The following CDH4 variants were observed in gnomAD, a reference collection of about 807,000 sequenced individuals.
CDH4 encodes cadherin 4.
CDH4 carries 33 observed loss-of-function variants against 86.0 expected under a neutral mutation model. That is an observed-to-expected ratio of 0.38 (90% CI 0.29 to 0.51). The LOEUF (loss-of-function observed/expected upper bound fraction) is 0.51, where lower values mean the gene tolerates loss of function less well. Ranked by LOEUF, CDH4 falls within the 20% of genes least tolerant of loss-of-function variation. CDH4 has a pLI of 0.86. For synonymous variants in CDH4, 555 were observed against 549.4 expected, an observed-to-expected ratio of 1.01 and a Z score of -0.14; for missense variants, 1,114 against 1,307.4, an observed-to-expected ratio of 0.85 and a Z score of 2.28.
intron 2 of CDH4, among the ~76,000 whole-genome samples, chr20:61,711,496 C>T (rs1318288108): frequency 6.6e-6 from 1 of 152,234 alleles, no homozygotes; most frequent in Admixed American, 6.5e-5. Flanking sequence ...TGTTCCGACT[C>T]TGCCTTCTAC....
chr20:61,936,899 T>A lies in CDH4; in HGVS notation c.2707T>A (p.Phe903Ile), dbSNP rs1437946303. Residue 903 changes from phenylalanine to isoleucine, a missense_variant, in exon 16 of 16, where the codon TTC becomes ATC. This residue lies in a region of CDH4 where 188 missense variants were observed against 183.8 expected (regional missense o/e 1.02). Coordinates refer to ENST00000614565, the MANE Select transcript of CDH4 (RefSeq NM_001794.5). Reference protein sequence around the residue: ...YDYLNDWGPRFKKLADMYGGG... With the variant: ...YDYLNDWGPRIKKLADMYGGG... Reference sequence around the variant, plus strand: ...TTACCTCAACGACTGGGGGCCCAGATTCAAGAAGCTGGCGGACATGTATGG... The same window carrying A: ...TTACCTCAACGACTGGGGGCCCAGAATCAAGAAGCTGGCGGACATGTATGG... The A allele has an allele frequency of 6.2e-7, 1 of 1,600,230 alleles. No homozygotes were observed. The highest frequency in any genetic ancestry group is 8.5e-7 in the Non-Finnish European group (1 of 1,173,438).
intron 2 of CDH4, among the ~76,000 whole-genome samples, chr20:61,697,750 C>G (rs2087730713): frequency 6.6e-6 from 1 of 152,224 alleles, no homozygotes; most frequent in Non-Finnish European, 1.5e-5. Flanking sequence ...GGGACGTCTC[C>G]CCAGAGGGGT....
In CDH4 at chr20:61,595,153, T is replaced by C. The variant is rs112409967; in HGVS notation, c.170-148410T>C. 3.9e-3 allele frequency among the ~76,000 whole-genome samples: 588 copies of C among 152,352 alleles called. 8 individuals carry two copies. The highest frequency in any genetic ancestry group is 0.014 in the African/African-American group (562 of 41,578). On this transcript the variant is annotated intron_variant, in intron 2 of 15. Coordinates refer to ENST00000614565, the MANE Select transcript of CDH4 (RefSeq NM_001794.5). ...AGGACCTCCCACCCTTGGGTCCACC[T>C]GAGCACAAAACTGTAGGCCCTTAGG...
chr20:61,617,859 G>A (rs1476005491), intron 2 of CDH4, among the ~76,000 whole-genome samples: 1 of 152,190 alleles, frequency 6.6e-6, no homozygotes, highest in African/African-American at 2.4e-5. Flanking sequence ...ATTCCCACAT[G>A]TTGAGGAGGG....
chr20:61,518,105 AATC>A lies in CDH4; in HGVS notation c.170-225455_170-225453del, dbSNP rs1202613993. On this transcript the variant is annotated intron_variant, in intron 2 of 15. Coordinates refer to ENST00000614565, the MANE Select transcript of CDH4 (RefSeq NM_001794.5). The surrounding 1 kb of genome is among the most constrained non-coding windows in gnomAD (Gnocchi z 6.3). ...TCAGTTTTCTAAAGAATTTGCAAGA[AATC>A]ATGACGCTACTGCAAGGGTTTAGTG... is the stretch of plus-strand genomic sequence containing the variant. 1.3e-5 allele frequency among the ~76,000 whole-genome samples: 2 copies of A among 152,196 alleles called. No individual in the cohort carries two copies. Among genetic ancestry groups the A allele is most frequent in the Non-Finnish European group, 2.9e-5 (2 of 68,034 alleles).
intron 9 of CDH4, among the ~76,000 whole-genome samples, 174 bp downstream of exon 9, chr20:61,910,781 G>A (rs998796732): frequency 6.6e-6 from 1 of 152,172 alleles, no homozygotes; most frequent in South Asian, 2.1e-4. Flanking sequence ...ACAAGGACCT[G>A]TCATGTGACC....
At chr20:61,380,171 A>G (rs929363893) in intron 2 of CDH4, among the ~76,000 whole-genome samples, 17 of 152,214 alleles carry the variant, frequency 1.1e-4, no homozygotes, top group Non-Finnish European at 4.4e-5. Context: ...CGATGCTTCA[A>G]ATCTCATTAA....
At position 61,285,951 on chromosome 20, in the gene CDH4, G is replaced by A. The variant is rs550022087; in HGVS notation, c.169+31014G>A. Among the ~76,000 whole-genome samples, 43 of 152,290 alleles carry A rather than the reference G, an allele frequency of 2.8e-4. 1 individual carries two copies. The Middle Eastern group carries it at 0.01, about 36-fold the overall frequency. ...GGCGGCTCAGAGGCATCCCAGATCCGGACACCTGATCCCTCTCTGTGAGTG... is the reference window on the plus strand; with the variant it reads ...GGCGGCTCAGAGGCATCCCAGATCCAGACACCTGATCCCTCTCTGTGAGTG... On this transcript the variant is annotated intron_variant, in intron 2 of 15. Transcript: ENST00000614565.
intron 2 of CDH4, among the ~76,000 whole-genome samples, chr20:61,592,360 G>A (rs2086524566): frequency 1.3e-5 from 2 of 152,090 alleles, no homozygotes; most frequent in Non-Finnish European, 1.5e-5. Flanking sequence ...CACTGCTCAG[G>A]GCCCTGCAGT....
chr20:61,282,951 TGATGTACGTGCGTTTGCACGCGC>T (rs2084269717), intron 2 of CDH4, among the ~76,000 whole-genome samples: 1 of 89,140 alleles, frequency 1.1e-5, no homozygotes, highest in Non-Finnish European at 2.2e-5. Context: ...CTGTGGCGTG[TGATGTACGTGCGTTTGCACGCGC>T]GTGCTGTGGC....
In CDH4 at chr20:61,510,757, T is replaced by A. The variant is rs557066880; in HGVS notation, c.170-232806T>A. Among the ~76,000 whole-genome samples, 143 of 152,280 alleles carry A rather than the reference T, an allele frequency of 9.4e-4. 1 individual carries two copies. Among genetic ancestry groups the A allele is most frequent in the Admixed American group, 1.6e-3 (24 of 15,296 alleles). ...GTATTAGGCTGTTCTTGCATTGCTA[T>A]AAAGAAATACCTGAGACTGGGTAAT... On this transcript the variant is annotated intron_variant, in intron 2 of 15. Coordinates refer to ENST00000614565, the MANE Select transcript of CDH4 (RefSeq NM_001794.5). This position sits in a 1 kb window ranked among gnomAD's most constrained non-coding sequence, Gnocchi z 4.2.
At chr20:61,456,903 A>G (rs1049572545) in intron 2 of CDH4, among the ~76,000 whole-genome samples, 7 of 152,220 alleles carry the variant, frequency 4.6e-5, no homozygotes, top group Non-Finnish European at 8.8e-5. Flanking sequence ...GTAAGTTAAC[A>G]TGCTGGGAAT....
Position 61,873,793 on chromosome 20 carries a change from C to T in CDH4, c.943C>T (p.Arg315Trp), listed in dbSNP as rs751765138. ...CAGCACCACGGCCAACGGGATGGTG[C>T]GGTACCGGATCGTGACCCAGACCCC... ...DDSTTANGMV[R>W]YRIVTQTPQS... is the part of the protein sequence containing the mutation. The change falls in exon 7 of 16, where the codon CGG becomes TGG. Residue 315 changes from arginine to tryptophan, a missense_variant. By Grantham distance (101) the Arg-to-Trp change is moderately radical. Coordinates refer to ENST00000614565, the MANE Select transcript of CDH4 (RefSeq NM_001794.5). 11 of 1,613,900 alleles carry T rather than the reference C, an allele frequency of 6.8e-6. No individual in the cohort carries two copies. The highest frequency in any genetic ancestry group is 3.3e-5 in the South Asian group (3 of 91,092).
intron 2 of CDH4, among the ~76,000 whole-genome samples, chr20:61,360,767 T>A (rs1054794221): frequency 3.3e-5 from 5 of 152,132 alleles, no homozygotes; most frequent in Admixed American, 3.3e-4. Context: ...CTGTAAAGAA[T>A]CTGTCAAAAG....
chr20:61,620,234 A>G (rs4925261), intron 2 of CDH4, among the ~76,000 whole-genome samples: 75,189 of 129,692 alleles, frequency 0.58, 24,763 homozygotes, highest in East Asian at 0.76. Context: ...AGGCAGACAG[A>G]CAGACATAGA....
At chr20:61,530,571 A>G (rs1361044683) in intron 2 of CDH4, among the ~76,000 whole-genome samples, 1 of 152,166 alleles carries the variant, frequency 6.6e-6, no homozygotes, top group African/African-American at 2.4e-5. Flanking sequence ...ATCAGGCTGG[A>G]TGAAAGCCAG....
At chr20:61,673,165 A>T (rs997588269) in intron 2 of CDH4, among the ~76,000 whole-genome samples, 1 of 152,144 alleles carries the variant, frequency 6.6e-6, no homozygotes, top group African/African-American at 2.4e-5. Flanking sequence ...AGCCCTGCCC[A>T]CACCTTGACT....
At chr20:61,877,622 C>T (rs751984480) in intron 7 of CDH4, among the ~76,000 whole-genome samples, 1 of 152,130 alleles carries the variant, frequency 6.6e-6, no homozygotes, top group African/African-American at 2.4e-5. Context: ...AGGGCGGTCC[C>T]GTGTCTTCCT....
chr20:61,414,474 C>T (rs898368369), intron 2 of CDH4, among the ~76,000 whole-genome samples: 1 of 152,208 alleles, frequency 6.6e-6, no homozygotes, highest in Non-Finnish European at 1.5e-5. Context: ...CAGGCAGGCA[C>T]CCCAGCCCTC....
Sources: allele counts gnomAD v4.1 joint callset (sites outside exome capture counted in the v4.1 genomes callset), GRCh38; gene constraint gnomAD v4.1.1; regional missense constraint gnomAD v4.1.1; non-coding constraint Gnocchi (gnomAD v3.1); transcripts MANE v1.5; gene names NCBI Gene and HGNC (gene_info 2026-07-23, HGNC 2026-07-21).